The following TP53BP2 variants were observed in gnomAD, a reference collection of about 807,000 sequenced individuals.
The protein encoded by TP53BP2 is apoptosis-stimulating of p53 protein 2.
A neutral mutation model predicts 126.2 loss-of-function variants in TP53BP2; 62 were observed. The ratio of observed to expected loss-of-function variants is 0.49; its 90% CI spans 0.40 to 0.61. TP53BP2 has a LOEUF of 0.61. Among genes scored for constraint, TP53BP2 ranks in the 20% least tolerant of loss-of-function variants. TP53BP2 has a pLI of 0.00. For missense variants in TP53BP2, 1,215 were observed against 1,402.8 expected, an observed-to-expected ratio of 0.87 and a Z score of 2.14; for synonymous variants, 485 against 502.9, an observed-to-expected ratio of 0.96 and a Z score of 0.48.
Position 223,796,189 on chromosome 1 carries a change from T to C in TP53BP2, c.2350A>G (p.Thr784Ala), listed in dbSNP as rs1662314973. ...TCTACTGGGCTTTCTGAGCTGGCAG[T>C]CACAGAAGCTGACTTGGATGGGTAT... ...PSYPSKSASV[T>A]ASSESPVEIQ... Residue 784 changes from threonine to alanine, a missense_variant, in exon 13 of 18, where the codon ACT (threonine) becomes GCT (alanine). Around this residue, in one of 4 missense-constraint regions of TP53BP2, gnomAD observed 204 missense variants for 225.7 expected, o/e 0.90. Coordinates refer to ENST00000343537, the MANE Select transcript of TP53BP2 (RefSeq NM_001031685.3). The surrounding 1 kb of genome is among the most constrained non-coding windows in gnomAD (Gnocchi z 4.2). 1 of 1,614,190 alleles carries C rather than the reference T, an allele frequency of 6.2e-7. No individual in the cohort carries two copies. Among genetic ancestry groups the C allele is most frequent in the Non-Finnish European group, 8.5e-7 (1 of 1,180,032 alleles).
intron 1 of TP53BP2, among the ~76,000 whole-genome samples, chr1:223,838,605 CTTCTCCCAACA>C (rs1405492729): frequency 6.6e-6 from 1 of 152,226 alleles, no homozygotes; most frequent in Non-Finnish European, 1.5e-5. Context: ...CTGTCCTCCA[CTTCTCCCAACA>C]TGCCTATCCT....
chr1:223,823,464 G>A (rs1558105795), intron 1 of TP53BP2, among the ~76,000 whole-genome samples: 1 of 152,126 alleles, frequency 6.6e-6, no homozygotes, highest in East Asian at 1.9e-4. Context: ...GGGTAATCCA[G>A]AAAAATTAAA....
chr1:223,783,061 T>A (rs1465343333), intron 17 of TP53BP2, among the ~76,000 whole-genome samples: 1 of 152,194 alleles, frequency 6.6e-6, no homozygotes, highest in Admixed American at 6.5e-5. Flanking sequence ...TTGAAAGTAA[T>A]GCCTAGGCAG....
At chr1:223,841,088 T>TA (rs201506960) in intron 1 of TP53BP2, among the ~76,000 whole-genome samples, 3 of 151,826 alleles carry the variant, frequency 2.0e-5, no homozygotes, top group East Asian at 1.9e-4. Flanking sequence ...CTGTCTCTAC[T>TA]AAAAAATACA....
At chr1:223,793,614 G>C (rs1446276849) in intron 13 of TP53BP2, among the ~76,000 whole-genome samples, 174 bp from the exon 14 acceptor site, 1 of 152,200 alleles carries the variant, frequency 6.6e-6, no homozygotes, top group African/African-American at 2.4e-5. Flanking sequence ...AATCTGACAT[G>C]CAGCGTAATG....
intron 4 of TP53BP2, among the ~76,000 whole-genome samples, chr1:223,809,712 G>T (rs1365771989): frequency 6.6e-6 from 1 of 152,188 alleles, no homozygotes; most frequent in Admixed American, 6.5e-5. Flanking sequence ...GAGAAAGGTA[G>T]TTTAGCTAAT....
intron 1 of TP53BP2, among the ~76,000 whole-genome samples, chr1:223,841,652 A>C (rs1664105815): frequency 6.6e-6 from 1 of 152,244 alleles, no homozygotes; most frequent in African/African-American, 2.4e-5. Context: ...TGGTCTGTAG[A>C]GCTGCACACT....
At chr1:223,787,161 G>A (rs1449114175) in intron 16 of TP53BP2, among the ~76,000 whole-genome samples, 4 of 152,172 alleles carry the variant, frequency 2.6e-5, no homozygotes, top group Non-Finnish European at 5.9e-5. Context: ...CTCCCAAAGT[G>A]TTGGGATTAC....
Position 223,845,128 on chromosome 1 carries a change from T to A in TP53BP2, c.27+526A>T, listed in dbSNP as rs115961950. On this transcript the variant is annotated intron_variant, in intron 1 of 17. Transcript: ENST00000343537. Reference sequence around the variant, plus strand: ...CGTACGCTTTCCTGCAATCTAAAACTTCCGAGATTGCATTTACCAAAACCC... The same window carrying A: ...CGTACGCTTTCCTGCAATCTAAAACATCCGAGATTGCATTTACCAAAACCC... 2.5e-3 allele frequency: 1,283 copies of A among 519,748 alleles called. 27 individuals carry two copies. The African/African-American group carries it at 0.025, about 10-fold the overall frequency. The allele number at this position is 519,748 out of a possible 1,614,324, so 32.2% of individuals were successfully genotyped here. A position where few individuals can be genotyped will look rare whatever the true frequency, so the allele number is the denominator to read the frequency against.
intron 3 of TP53BP2, among the ~76,000 whole-genome samples, chr1:223,812,425 A>C (rs1321472997): frequency 6.6e-6 from 1 of 152,220 alleles, no homozygotes; most frequent in Non-Finnish European, 1.5e-5. Flanking sequence ...TCTGTCGCCC[A>C]GGCTGGAGTG....
At chr1:223,826,890 G>C (rs535318686) in intron 1 of TP53BP2, among the ~76,000 whole-genome samples, 1 of 152,298 alleles carries the variant, frequency 6.6e-6, no homozygotes, top group East Asian at 1.9e-4. Flanking sequence ...GGTGAAAATG[G>C]CTGGATTTGG....
In TP53BP2 at chr1:223,798,402, G is replaced by A. The variant is rs750990817; in HGVS notation, c.1761C>T (p.Ala587=). ...GSKQESPPAA[A]VRPFTPQPSK... Reference sequence around the variant, plus strand: ...AAGGCTGGGGAGTAAAGGGCCGGACGGCAGCAGCAGGTGGACTTTCTTGCT... The same window carrying A: ...AAGGCTGGGGAGTAAAGGGCCGGACAGCAGCAGCAGGTGGACTTTCTTGCT... Residue 587 remains alanine (A), a synonymous_variant, in exon 12 of 18, where the codon GCC becomes GCT. Transcript: ENST00000343537. 1.6e-5 allele frequency: 26 copies of A among 1,614,020 alleles called. No homozygotes were observed. Among genetic ancestry groups the A allele is most frequent in the African/African-American group, 9.3e-5 (7 of 74,896 alleles).
intron 1 of TP53BP2, among the ~76,000 whole-genome samples, chr1:223,827,359 C>A (rs1486345819): frequency 6.6e-6 from 1 of 152,090 alleles, no homozygotes; most frequent in African/African-American, 2.4e-5. Context: ...ACACCAGGAA[C>A]CAAGCAAAGA....
At chr1:223,809,013 A>T (rs1487047772) in intron 4 of TP53BP2, among the ~76,000 whole-genome samples, 1 of 152,140 alleles carries the variant, frequency 6.6e-6, no homozygotes, top group African/African-American at 2.4e-5. Context: ...GTGGGCATGT[A>T]AAATAATATG....
chr1:223,780,221 A>G lies in TP53BP2; in HGVS notation c.*632T>C, dbSNP rs1661721857. ...AAATACAGATTAAAATTCAGCCTACAAACAAGATTCTACATCTAATTACTG... is the reference window on the plus strand; with the variant it reads ...AAATACAGATTAAAATTCAGCCTACGAACAAGATTCTACATCTAATTACTG... On this transcript the variant is annotated 3_prime_UTR_variant, in exon 18 of 18. Transcript: ENST00000343537. 2.6e-5 allele frequency: 4 copies of G among 152,256 alleles called. No individual in the cohort carries two copies. In the South Asian group the frequency reaches 6.2e-4, roughly 24 times the overall value. The allele number at this position is 152,256 out of a possible 1,614,324, so 9.4% of individuals were successfully genotyped here. A position where few individuals can be genotyped will look rare whatever the true frequency, so the allele number is the denominator to read the frequency against.
At chr1:223,844,525 C>T (rs1297746265) in intron 1 of TP53BP2, among the ~76,000 whole-genome samples, 1 of 152,160 alleles carries the variant, frequency 6.6e-6, no homozygotes, top group Non-Finnish European at 1.5e-5. Context: ...CACTACAAAC[C>T]TGATTTCATA....
chr1:223,808,677 C>T (rs1406814010), intron 4 of TP53BP2, among the ~76,000 whole-genome samples: 4 of 149,082 alleles, frequency 2.7e-5, no homozygotes, highest in African/African-American at 7.4e-5. Context: ...ATCTCTATGA[C>T]CCTGGGTTGG....
At position 223,821,066 on chromosome 1, in the gene TP53BP2, T is replaced by C. The variant is rs183827300; in HGVS notation, c.175+154A>G. The C allele has an allele frequency of 3.8e-3, 3,467 of 913,626 alleles. 14 individuals are homozygous for C. The highest frequency in any genetic ancestry group is 4.5e-3 in the Non-Finnish European group (2,736 of 610,600). 56.6% of individuals were successfully genotyped at this position (913,626 alleles called of 1,614,324 possible). A position where few individuals can be genotyped will look rare whatever the true frequency, so the allele number is the denominator to read the frequency against. On this transcript the variant is annotated intron_variant, in intron 2 of 17. Transcript: ENST00000343537. ...AAACCGAAAAAGACTTCATGTATCA[T>C]ACCAAAGCTGGATCAGGAACACTAT...
intron 3 of TP53BP2, among the ~76,000 whole-genome samples, chr1:223,812,313 T>C (rs1029688733): frequency 6.6e-6 from 1 of 152,308 alleles, no homozygotes; most frequent in Middle Eastern, 3.4e-3. Flanking sequence ...ACCCGTACTA[T>C]AAATTTAATC....
Sources: gnomAD v4.1 joint callset for allele counts (sites outside exome capture counted in the v4.1 genomes callset) on GRCh38, gnomAD v4.1.1 for gene constraint, gnomAD v4.1.1 regional missense constraint, Gnocchi (gnomAD v3.1) non-coding constraint, MANE v1.5 for transcripts, NCBI Gene and HGNC (gene_info 2026-07-23, HGNC 2026-07-21) for gene names.